Variants in SHROOM4 observed in about 807,000 individuals in gnomAD.
The protein encoded by SHROOM4 is shroom family member 4.
SHROOM4 carries 17 observed loss-of-function variants against 80.3 expected under a neutral mutation model. The ratio of observed to expected loss-of-function variants is 0.21; its 90% CI spans 0.14 to 0.32. The LOEUF (loss-of-function observed/expected upper bound fraction) is 0.32, where lower values mean the gene tolerates loss of function less well. SHROOM4 is among the 10% of genes least tolerant of loss of function. The pLI, the probability that SHROOM4 is intolerant of heterozygous loss-of-function variation, is 1.00. For synonymous variants in SHROOM4, 400 were observed against 437.5 expected (o/e 0.91, Z 1.07); for missense variants, 993 against 1,140.3 (o/e 0.87, Z 1.86).
intron 2 of SHROOM4, among the ~76,000 whole-genome samples, chrX:50,645,728 G>A (rs1391187279): frequency 8.9e-6 from 1 of 111,847 alleles, no homozygotes; most frequent in Admixed American, 9.5e-5. Flanking sequence ...CCCATTTAGC[G>A]GAGCTGAGTT....
intron 1 of SHROOM4, among the ~76,000 whole-genome samples, chrX:50,796,974 T>C (rs1180807717): frequency 1.0e-5 from 1 of 99,627 alleles, no homozygotes; most frequent in African/African-American, 3.8e-5. Context: ...TGGAAAAGAT[T>C]AAGACTAGAG....
At chrX:50,751,907 A>G (rs1039805249) in intron 1 of SHROOM4, among the ~76,000 whole-genome samples, 3 of 111,736 alleles carry the variant, frequency 2.7e-5, no homozygotes, top group Non-Finnish European at 5.6e-5. Flanking sequence ...TAGTCCCCTC[A>G]TCTATAAAGT....
At chrX:50,734,640 C>G (rs1934441743) in intron 1 of SHROOM4, among the ~76,000 whole-genome samples, 1 of 110,916 alleles carries the variant, frequency 9.0e-6, no homozygotes, top group African/African-American at 3.3e-5. Flanking sequence ...GTCTGGAACT[C>G]CTGACCTCAA....
At chrX:50,713,799 T>C (rs1933880731) in intron 1 of SHROOM4, among the ~76,000 whole-genome samples, 1 of 112,158 alleles carries the variant, frequency 8.9e-6, no homozygotes, top group Non-Finnish European at 1.9e-5. Context: ...TCCTTTGTTG[T>C]GCAGAAGCTT....
chrX:50,676,043 G>T (rs1488199791), intron 2 of SHROOM4, among the ~76,000 whole-genome samples: 1 of 111,743 alleles, frequency 8.9e-6, no homozygotes, highest in Non-Finnish European at 1.9e-5. Flanking sequence ...AAGTGATTTA[G>T]TTCTCTAGAA....
At chrX:50,717,137 T>C (rs1245958965) in intron 1 of SHROOM4, among the ~76,000 whole-genome samples, 1 of 112,004 alleles carries the variant, frequency 8.9e-6, no homozygotes, top group African/African-American at 3.2e-5. Flanking sequence ...GGGGGATCCA[T>C]CTCAGAGAAA....
In SHROOM4 at chrX:50,635,221, C is replaced by G; in HGVS notation, c.852G>C (p.Gln284His). 8.3e-7 allele frequency: 1 copy of G among 1,203,369 alleles called. No homozygotes were observed. Among genetic ancestry groups the G allele is most frequent in the Non-Finnish European group, 1.1e-6 (1 of 891,104 alleles). Residue 284 changes from glutamine (Q) to histidine (H), a missense_variant, in exon 4 of 9, where the codon CAG (glutamine) becomes CAC (histidine). Gln to His is a conservative substitution (Grantham distance 24, BLOSUM62 0). Transcript: ENST00000376020. ...PQPPVRRDSL[Q>H]ASRAQLLNGE... ...CATTGAGGAGTTGGGCTCTGGAGGC[C>G]TGAAGGCTGTCCCGCCTCACTGGAG...
At chrX:50,615,198 C>A (rs1459071237) in intron 5 of SHROOM4, among the ~76,000 whole-genome samples, 5 of 109,921 alleles carry the variant, frequency 4.5e-5, no homozygotes, top group Non-Finnish European at 9.5e-5. Flanking sequence ...AAGCATAAAT[C>A]TGATTTTGTT....
intron 1 of SHROOM4, among the ~76,000 whole-genome samples, chrX:50,774,283 C>T (rs1221645161): frequency 9.0e-6 from 1 of 111,263 alleles, no homozygotes; most frequent in Non-Finnish European, 1.9e-5. Context: ...TTTCTAGGGT[C>T]TCAGTATGGT....
chrX:50,798,526 G>A (rs1412403619), intron 1 of SHROOM4, among the ~76,000 whole-genome samples: 2 of 111,330 alleles, frequency 1.8e-5, no homozygotes, highest in Admixed American at 1.9e-4. Context: ...GGGCTTTGGG[G>A]CTGAAGTAAA....
chrX:50,765,067 C>A (rs1032607339), intron 1 of SHROOM4, among the ~76,000 whole-genome samples: 1 of 111,554 alleles, frequency 9.0e-6, no homozygotes, highest in Admixed American at 9.5e-5. Flanking sequence ...AATCAGCTCC[C>A]ATGATTCAAC....
At chrX:50,660,587 C>CCTCCCTCTCT (rs1380987407) in intron 2 of SHROOM4, among the ~76,000 whole-genome samples, 1 of 72,894 alleles carries the variant, frequency 1.4e-5, no homozygotes, top group Admixed American at 1.6e-4. Flanking sequence ...TTCCTCCCTC[C>CCTCCCTCTCT]CTCCCTCTCT....
At chrX:50,734,921 G>A (rs1557266571) in intron 1 of SHROOM4, among the ~76,000 whole-genome samples, 1 of 110,254 alleles carries the variant, frequency 9.1e-6, no homozygotes, top group Non-Finnish European at 1.9e-5. Context: ...CAGGTAAGGA[G>A]TCCCTTTGCT....
At chrX:50,770,816 C>T (rs1422716048) in intron 1 of SHROOM4, among the ~76,000 whole-genome samples, 4 of 111,463 alleles carry the variant, frequency 3.6e-5, no homozygotes, top group African/African-American at 9.8e-5. Context: ...GTTTGCATTC[C>T]CACACCTGGC....
intron 4 of SHROOM4, among the ~76,000 whole-genome samples, chrX:50,632,476 G>A (rs782455132): frequency 4.0e-4 from 45 of 111,837 alleles, no homozygotes; most frequent in African/African-American, 1.4e-3. Flanking sequence ...GAAGTAGCCT[G>A]GGGGATGGTG....
downstream of SHROOM4, among the ~76,000 whole-genome samples, chrX:50,583,899 G>A (rs1557244539): frequency 8.9e-6 from 1 of 112,104 alleles, no homozygotes; most frequent in Non-Finnish European, 1.9e-5. Flanking sequence ...TCAGACTTCT[G>A]ACCCACAGAA....
At chrX:50,812,808 C>A (rs1311642237) in intron 1 of SHROOM4, among the ~76,000 whole-genome samples, 1 of 112,075 alleles carries the variant, frequency 8.9e-6, no homozygotes, top group Admixed American at 9.4e-5. Flanking sequence ...TTTCTATCTC[C>A]AGCCTGAACC....
At chrX:50,719,721 A>T (rs1300561994) in intron 1 of SHROOM4, among the ~76,000 whole-genome samples, 2 of 112,189 alleles carry the variant, frequency 1.8e-5, no homozygotes, top group Non-Finnish European at 3.8e-5. Flanking sequence ...GACTGCCTGC[A>T]ATTTCCAGTC....
chrX:50,585,702 A>C (rs782513644), downstream of SHROOM4, among the ~76,000 whole-genome samples: 1 of 111,468 alleles, frequency 9.0e-6, no homozygotes, highest in East Asian at 2.8e-4. Flanking sequence ...AAACTGATAA[A>C]AGAGCACGAG....
Sources: gnomAD v4.1 joint callset for allele counts (sites outside exome capture counted in the v4.1 genomes callset) on GRCh38, gnomAD v4.1.1 for gene constraint, MANE v1.5 for transcripts, NCBI Gene and HGNC (gene_info 2026-07-23, HGNC 2026-07-21) for gene names.